ANKRD30B: variants seen among roughly 807,000 people sequenced by gnomAD.
ANKRD30B encodes the protein ankyrin repeat domain 30B, also known as ankyrin repeat domain-containing protein 30B.
In ANKRD30B, 144 loss-of-function variants were observed where a neutral mutation model predicts 202.2. The ratio of observed to expected loss-of-function variants is 0.71; its 90% CI spans 0.62 to 0.82. The LOEUF (loss-of-function observed/expected upper bound fraction) is 0.82. ANKRD30B is among the 40% of genes least tolerant of loss of function. The pLI is 0.00. For missense variants in ANKRD30B, 1,487 were observed against 1,669.1 expected (o/e 0.89, Z 1.90); for synonymous variants, 508 against 561.3 (o/e 0.91, Z 1.34).
At chr18:14,937,183 C>T in the ANKRD30B span, among the ~76,000 whole-genome samples, 1 of 152,326 alleles carries the variant, frequency 6.6e-6, no homozygotes, top group African/African-American at 2.4e-5. Flanking sequence ...TGCTTGCCTC[C>T]TTCAGCACTT....
chr18:14,892,089 G>A, the ANKRD30B span, among the ~76,000 whole-genome samples: 3 of 152,142 alleles, frequency 2.0e-5, no homozygotes, highest in Admixed American at 6.5e-5. Flanking sequence ...TCTTAGCATT[G>A]TAAAATATCA....
At chr18:14,847,151 C>T (rs1971684363) in intron 39 of ANKRD30B, among the ~76,000 whole-genome samples, 1 of 142,682 alleles carries the variant, frequency 7.0e-6, no homozygotes, top group Non-Finnish European at 1.5e-5. Context: ...TTAGTCATAT[C>T]TTTTTGTGGT....
intron 15 of ANKRD30B, 125 bp downstream of exon 15, chr18:14,787,225 T>G: frequency 1.2e-6 from 1 of 802,704 alleles, no homozygotes; most frequent in South Asian, 1.9e-5. Flanking sequence ...TTGATATTTT[T>G]CAGAATACGC....
rs1347677370 is a variant in ANKRD30B, at chr18:14,796,243, T to C, written c.1848T>C (p.Leu616=). The change falls in exon 17 of 44, where the codon CTT becomes CTC. Residue 616 remains leucine, a synonymous_variant. Coordinates refer to ENST00000690538, the MANE Select transcript of ANKRD30B (RefSeq NM_001367607.2). ...TAGAGTCTCCTGTTAAAGATGGTCT[T>C]CTGAAGGTAATAACTTTTATATTGC... The part of the protein sequence containing the change: ...KLEESPVKDG[L]LKPTCGRKVS... 6.2e-7 allele frequency: 1 copy of C among 1,603,910 alleles called. No homozygotes were observed. Among genetic ancestry groups the C allele is most frequent in the Non-Finnish European group, 8.5e-7 (1 of 1,171,130 alleles).
At chr18:14,790,217 T>C (rs1408504036) in intron 15 of ANKRD30B, among the ~76,000 whole-genome samples, 1 of 152,198 alleles carries the variant, frequency 6.6e-6, no homozygotes, top group East Asian at 1.9e-4. Flanking sequence ...GTAAGAATGC[T>C]TGTGATTTTT....
At chr18:14,749,670 C>CAAAAAA (rs55960708) in intron 1 of ANKRD30B, among the ~76,000 whole-genome samples, 29 of 61,188 alleles carry the variant, frequency 4.7e-4, no homozygotes, top group East Asian at 1.3e-3. Flanking sequence ...GACTCTGTCT[C>CAAAAAA]AAAAAAAAAA....
the ANKRD30B span, among the ~76,000 whole-genome samples, chr18:14,902,449 A>G: frequency 2.0e-5 from 3 of 152,196 alleles, no homozygotes; most frequent in African/African-American, 7.2e-5. Context: ...TGAACCTGAA[A>G]TTCCTTATAA....
chr18:14,843,789 G>C (rs1840262222), intron 39 of ANKRD30B, among the ~76,000 whole-genome samples: 1 of 152,108 alleles, frequency 6.6e-6, no homozygotes, highest in Admixed American at 6.5e-5. Context: ...GCGAGACTCC[G>C]TCTCAAAAAC....
At chr18:14,799,375 A>G in intron 22 of ANKRD30B, 80 bp downstream of exon 22, 4 of 1,285,732 alleles carry the variant, frequency 3.1e-6, no homozygotes, top group Admixed American at 3.0e-5. Flanking sequence ...TTTATTCCCA[A>G]TGTTGTTTTC....
intron 9 of ANKRD30B, among the ~76,000 whole-genome samples, chr18:14,777,212 G>A (rs1229579543): frequency 2.0e-5 from 3 of 152,162 alleles, no homozygotes; most frequent in Non-Finnish European, 2.9e-5. Context: ...CAAAGCATAC[G>A]TGAGGTTTTC....
chr18:14,781,499 G>T (rs1189036467), intron 11 of ANKRD30B, among the ~76,000 whole-genome samples: 1 of 152,080 alleles, frequency 6.6e-6, no homozygotes, highest in Non-Finnish European at 1.5e-5. Flanking sequence ...GGATTTCACC[G>T]TGTTAGCCAG....
At chr18:14,912,557 G>A in the ANKRD30B span, among the ~76,000 whole-genome samples, 25 of 152,200 alleles carry the variant, frequency 1.6e-4, no homozygotes, top group Non-Finnish European at 1.0e-4. Context: ...GTGTTCATCA[G>A]AGATATTGGT....
chr18:14,915,977 G>A, the ANKRD30B span, among the ~76,000 whole-genome samples: 461 of 152,328 alleles, frequency 3.0e-3, 3 homozygotes, highest in Middle Eastern at 6.8e-3. Context: ...TTGGAAGAAC[G>A]TGTGAAGGTT....
chr18:14,759,101 C>T (rs1465083518), intron 5 of ANKRD30B: 2 of 152,170 alleles, frequency 1.3e-5, no homozygotes, highest in African/African-American at 4.8e-5. Context: ...CAATAGACTT[C>T]ACTCTATCTC....
the ANKRD30B span, chr18:14,889,853 T>C: frequency 1.3e-4 from 52 of 412,418 alleles, no homozygotes; most frequent in Non-Finnish European, 2.1e-4. Context: ...AACGTTTGAG[T>C]ATAAAGTGTT....
Position 14,810,042 on chromosome 18 carries a change from A to C in ANKRD30B, c.2415+28A>C, listed in dbSNP as rs772018177. ...AATAACTTTTATATTTTTATCTTGAATATTACCTACATATTTTATGAAGTA... is the reference window on the plus strand; with the variant it reads ...AATAACTTTTATATTTTTATCTTGACTATTACCTACATATTTTATGAAGTA... On this transcript the variant is annotated intron_variant, in intron 27 of 43. Coordinates refer to ENST00000690538, the MANE Select transcript of ANKRD30B (RefSeq NM_001367607.2). 4.1e-6 allele frequency: 6 copies of C among 1,455,842 alleles called. No individual in the cohort carries two copies. In the Admixed American group the frequency reaches 8.6e-5, roughly 21 times the overall value. The allele number at this position is 1,455,842 out of a possible 1,614,324, so 90.2% of individuals were successfully genotyped here. A position where few individuals can be genotyped will look rare whatever the true frequency, so the allele number is the denominator to read the frequency against.
At chr18:14,916,987 A>G in the ANKRD30B span, among the ~76,000 whole-genome samples, 4 of 152,112 alleles carry the variant, frequency 2.6e-5, no homozygotes, top group Non-Finnish European at 4.4e-5. Context: ...CAGAAATTCA[A>G]CTGTTTCCAC....
intron 28 of ANKRD30B, among the ~76,000 whole-genome samples, 189 bp downstream of exon 28, chr18:14,810,369 A>G (rs1462303634): frequency 6.6e-6 from 1 of 151,376 alleles, no homozygotes; most frequent in Non-Finnish European, 1.5e-5. Flanking sequence ...AGGGATTTAG[A>G]AAAAAATTCT....
the ANKRD30B span, among the ~76,000 whole-genome samples, chr18:14,907,119 A>T: frequency 6.6e-6 from 1 of 152,154 alleles, no homozygotes; most frequent in African/African-American, 2.4e-5. Flanking sequence ...AGTGTTTCTT[A>T]TCAGACTTAT....
Sources: gnomAD v4.1 joint callset for allele counts (sites outside exome capture counted in the v4.1 genomes callset) on GRCh38, gnomAD v4.1.1 for gene constraint, MANE v1.5 for transcripts, NCBI Gene and HGNC (gene_info 2026-07-23, HGNC 2026-07-21) for gene names.